Variants in RNLS observed in about 807,000 individuals in gnomAD.
RNLS encodes the protein renalase, FAD dependent amine oxidase, also known as renalase.
In RNLS, 39 loss-of-function variants were observed where a neutral mutation model predicts 39.8. The observed-to-expected ratio is 0.98, with a 90% CI of 0.76 to 1.28. RNLS has a LOEUF of 1.28. RNLS is among the 50% of genes most tolerant of loss of function. The probability of loss-of-function intolerance (pLI) is 0.00; values close to 1 mark genes in which losing one functional copy is unlikely to be tolerated. For synonymous variants in RNLS, 147 were observed against 150.7 expected, an observed-to-expected ratio of 0.98 and a Z score of 0.18; for missense variants, 410 against 413.3, an observed-to-expected ratio of 0.99 and a Z score of 0.07.
At chr10:88,291,736 T>C (rs965158739) in intron 6 of RNLS, among the ~76,000 whole-genome samples, 2 of 152,112 alleles carry the variant, frequency 1.3e-5, no homozygotes, top group African/African-American at 2.4e-5. Context: ...TAAATTACTA[T>C]AGCTTGATGC....
At chr10:88,374,963 A>T (rs563023492) in intron 4 of RNLS, among the ~76,000 whole-genome samples, 1 of 152,122 alleles carries the variant, frequency 6.6e-6, no homozygotes, top group African/African-American at 2.4e-5. Context: ...CCTCCTCCCC[A>T]CTTGCTCTCA....
chr10:88,229,940 T>C, the RNLS span, among the ~76,000 whole-genome samples: 18,529 of 152,252 alleles, frequency 0.12, 1,219 homozygotes, highest in Admixed American at 0.16. Flanking sequence ...GTGGTTTCCA[T>C]TCCTTTGCTT....
At chr10:88,427,000 A>C (rs563782382) in intron 4 of RNLS, among the ~76,000 whole-genome samples, 1 of 152,180 alleles carries the variant, frequency 6.6e-6, no homozygotes, top group South Asian at 2.1e-4. Context: ...GTTTCCTTTT[A>C]GTAACTAATA....
chr10:88,509,633 TA>T (rs895871292), intron 4 of RNLS, among the ~76,000 whole-genome samples: 2 of 145,332 alleles, frequency 1.4e-5, no homozygotes, highest in Admixed American at 1.4e-4. Flanking sequence ...AACATTAGCT[TA>T]AAAAATGAAA....
intron 4 of RNLS, among the ~76,000 whole-genome samples, chr10:88,522,930 C>T (rs75278585): frequency 0.025 from 3,813 of 152,178 alleles, 83 homozygotes; most frequent in Non-Finnish European, 0.039. Flanking sequence ...CTGGTTTTTC[C>T]CCAAAGAACT....
intron 5 of RNLS, among the ~76,000 whole-genome samples, chr10:88,359,273 G>C (rs1018034098): frequency 1.3e-5 from 2 of 151,472 alleles, no homozygotes; most frequent in Admixed American, 6.6e-5. Flanking sequence ...CAGAGATCTT[G>C]CCACTACACT....
intron 4 of RNLS, among the ~76,000 whole-genome samples, chr10:88,474,095 C>A (rs538900014): frequency 2.0e-5 from 3 of 152,148 alleles, no homozygotes; most frequent in Admixed American, 6.6e-5. Context: ...GTTAAGTATT[C>A]TCTAAATAAA....
At chr10:88,223,490 A>T in the RNLS span, among the ~76,000 whole-genome samples, 1 of 152,222 alleles carries the variant, frequency 6.6e-6, no homozygotes, top group Non-Finnish European at 1.5e-5. Context: ...ACTGGATTTT[A>T]TTTGAAACAC....
At chr10:88,185,162 T>C in the RNLS span, among the ~76,000 whole-genome samples, 5 of 152,160 alleles carry the variant, frequency 3.3e-5, no homozygotes, top group Non-Finnish European at 7.4e-5. Flanking sequence ...AACACAAATA[T>C]GGGGACGAGA....
At chr10:88,263,844 T>G in the RNLS span, among the ~76,000 whole-genome samples, 2 of 152,134 alleles carry the variant, frequency 1.3e-5, no homozygotes. Context: ...TTAAATAGGT[T>G]TTTGGGAAAC....
chr10:88,272,431 A>T (rs1842675157), downstream of RNLS, among the ~76,000 whole-genome samples: 1 of 152,200 alleles, frequency 6.6e-6, no homozygotes, highest in South Asian at 2.1e-4. Context: ...ACATTGCATT[A>T]GTGTATACAG....
At chr10:88,358,521 G>A (rs1055002116) in intron 5 of RNLS, among the ~76,000 whole-genome samples, 13 of 152,210 alleles carry the variant, frequency 8.5e-5, no homozygotes, top group Non-Finnish European at 1.8e-4. Flanking sequence ...AATATGTCCT[G>A]ATATTCTCCA....
chr10:88,437,022 C>A (rs1279881000), intron 4 of RNLS, among the ~76,000 whole-genome samples: 3 of 152,218 alleles, frequency 2.0e-5, no homozygotes, highest in Non-Finnish European at 4.4e-5. Context: ...ATGCTTACAG[C>A]AGTTTGGGGG....
intron 4 of RNLS, among the ~76,000 whole-genome samples, chr10:88,552,787 T>C (rs374685392): frequency 2.6e-5 from 4 of 152,136 alleles, no homozygotes; most frequent in African/African-American, 9.7e-5. Flanking sequence ...TTCTATTGTA[T>C]ATGCTATATG....
downstream of RNLS, among the ~76,000 whole-genome samples, chr10:88,269,638 A>G (rs1313297088): frequency 6.6e-6 from 1 of 152,134 alleles, no homozygotes; most frequent in Non-Finnish European, 1.5e-5. Context: ...GCATTTTAAA[A>G]AAGGGTTTCA....
chr10:88,283,014 T>C (rs938004022), downstream of RNLS, among the ~76,000 whole-genome samples: 1 of 152,172 alleles, frequency 6.6e-6, no homozygotes, highest in Admixed American at 6.5e-5. Flanking sequence ...ACTGTGATGA[T>C]GTGTGGCCCC....
intron 4 of RNLS, among the ~76,000 whole-genome samples, chr10:88,371,843 T>C (rs1259462125): frequency 1.3e-5 from 2 of 152,182 alleles, no homozygotes; most frequent in African/African-American, 2.4e-5. Context: ...TTCCGCCTAG[T>C]TATGCATAGC....
chr10:88,436,522 A>G (rs914401668), intron 4 of RNLS, among the ~76,000 whole-genome samples: 10 of 152,190 alleles, frequency 6.6e-5, no homozygotes, highest in Admixed American at 4.6e-4. Context: ...TTCTTAATCA[A>G]TCCAAGCTTT....
At chr10:88,171,668 T>C in the RNLS span, among the ~76,000 whole-genome samples, 9 of 152,318 alleles carry the variant, frequency 5.9e-5, 1 homozygote, top group African/African-American at 2.2e-4. Flanking sequence ...ACTTCAAATA[T>C]TTATCATTTC....
Sources: gnomAD v4.1 joint callset for allele counts (sites outside exome capture counted in the v4.1 genomes callset) on GRCh38, gnomAD v4.1.1 for gene constraint, MANE v1.5 for transcripts, NCBI Gene and HGNC (gene_info 2026-07-23, HGNC 2026-07-21) for gene names.